EPB41L2: variants seen among roughly 807,000 people sequenced by gnomAD.
EPB41L2 encodes band 4.1-like protein 2.
EPB41L2 carries 43 observed loss-of-function variants against 113.0 expected under a neutral mutation model. That is an observed-to-expected ratio of 0.38 (90% CI 0.30 to 0.49). EPB41L2 has a LOEUF of 0.49. Among genes scored for constraint, EPB41L2 ranks in the 20% least tolerant of loss-of-function variants. EPB41L2 has a pLI of 0.95. For missense variants in EPB41L2, 1,147 were observed against 1,223.4 expected, an observed-to-expected ratio of 0.94 and a Z score of 0.93; for synonymous variants, 442 against 436.7, an observed-to-expected ratio of 1.01 and a Z score of -0.15.
chr6:130,973,728 T>C (rs1251213301), intron 1 of EPB41L2, among the ~76,000 whole-genome samples: 2 of 152,176 alleles, frequency 1.3e-5, no homozygotes, highest in African/African-American at 2.4e-5. Context: ...CTTATCTACC[T>C]GTGACCAGGA....
chr6:130,951,171 TG>T (rs1472229861), intron 3 of EPB41L2, among the ~76,000 whole-genome samples: 1 of 140,824 alleles, frequency 7.1e-6, no homozygotes, highest in Non-Finnish European at 1.5e-5. Flanking sequence ...GCAGGAAAAT[TG>T]CTTGAACCCA....
At chr6:130,971,234 G>C (rs1276062433) in intron 1 of EPB41L2, among the ~76,000 whole-genome samples, 1 of 152,134 alleles carries the variant, frequency 6.6e-6, no homozygotes, top group Non-Finnish European at 1.5e-5. Flanking sequence ...ATGCACTGTG[G>C]CCATAACTTT....
chr6:130,880,209 G>C lies in EPB41L2; in HGVS notation c.1834-3C>G, dbSNP rs1788851242. On this transcript the variant is annotated splice_region_variant and splice_polypyrimidine_tract_variant and intron_variant, in intron 12 of 19. Coordinates refer to ENST00000337057, the MANE Select transcript of EPB41L2 (RefSeq NM_001431.4). Reference sequence around the variant, plus strand: ...CCTTCTACTCTCAAGGAATTTTTCTGTGAAATTAAATCACACACAGGGGGG... The same window carrying C: ...CCTTCTACTCTCAAGGAATTTTTCTCTGAAATTAAATCACACACAGGGGGG... 1.2e-6 allele frequency: 2 copies of C among 1,604,222 alleles called. No homozygotes were observed. The highest frequency in any genetic ancestry group is 8.5e-7 in the Non-Finnish European group (1 of 1,171,680).
At chr6:130,910,166 G>T (rs374024913) in intron 4 of EPB41L2, among the ~76,000 whole-genome samples, 3 of 152,210 alleles carry the variant, frequency 2.0e-5, no homozygotes, top group Non-Finnish European at 4.4e-5. Flanking sequence ...GCATGGTACT[G>T]GTACCAAAAC....
intron 1 of EPB41L2, among the ~76,000 whole-genome samples, chr6:130,972,211 C>A (rs1008138087): frequency 3.3e-5 from 5 of 151,284 alleles, no homozygotes; most frequent in Non-Finnish European, 5.9e-5. Flanking sequence ...GTGGTCCCAG[C>A]TACTCAGGAG....
chr6:130,866,199 G>A (rs1783695833), intron 16 of EPB41L2, among the ~76,000 whole-genome samples: 1 of 152,108 alleles, frequency 6.6e-6, no homozygotes, highest in South Asian at 2.1e-4. Context: ...TTTCAATACT[G>A]CACATACGCA....
At position 131,058,889 on chromosome 6, in the gene EPB41L2, G is replaced by A. The variant is rs555297727; in HGVS notation, c.-15+4266C>T. ...AAATTAGCCGGGCATGGTGGCACAC[G>A]CCTGTAATTCCAGCTACTTGGAAGG... is the stretch of plus-strand genomic sequence containing the variant. On this transcript the variant is annotated intron_variant, in intron 1 of 19. Coordinates refer to ENST00000337057, the MANE Select transcript of EPB41L2 (RefSeq NM_001431.4). 3.3e-4 allele frequency among the ~76,000 whole-genome samples: 50 copies of A among 152,206 alleles called. No homozygotes were observed. The South Asian group carries it at 4.8e-3, about 15-fold the overall frequency.
chr6:130,892,723 C>G (rs1452255531), intron 10 of EPB41L2, among the ~76,000 whole-genome samples: 1 of 152,042 alleles, frequency 6.6e-6, no homozygotes, highest in Admixed American at 6.6e-5. Flanking sequence ...TTAAAAATAG[C>G]AAACTGTGAT....
At chr6:130,877,824 C>T (rs1163373592) in intron 14 of EPB41L2, among the ~76,000 whole-genome samples, 1 of 111,808 alleles carries the variant, frequency 8.9e-6, no homozygotes, top group Non-Finnish European at 1.8e-5. Context: ...TCTAAATTGT[C>T]CTATATAACA....
At chr6:131,018,789 T>G (rs1395387200) in intron 1 of EPB41L2, among the ~76,000 whole-genome samples, 1 of 152,168 alleles carries the variant, frequency 6.6e-6, no homozygotes, top group African/African-American at 2.4e-5. Flanking sequence ...TATTTAATAG[T>G]TTACCTTTCC....
chr6:130,927,622 G>A (rs1805216291), intron 3 of EPB41L2, among the ~76,000 whole-genome samples: 2 of 152,242 alleles, frequency 1.3e-5, no homozygotes, highest in South Asian at 2.1e-4. Context: ...ATCAAAATGT[G>A]TACTAGCTCA....
intron 1 of EPB41L2, among the ~76,000 whole-genome samples, chr6:130,958,854 G>T (rs896255199): frequency 1.3e-5 from 2 of 152,184 alleles, no homozygotes; most frequent in African/African-American, 4.8e-5. Flanking sequence ...GCAATGAGAA[G>T]TTACATAAGT....
chr6:130,858,627 AT>A (rs1357362927), intron 18 of EPB41L2, among the ~76,000 whole-genome samples: 2 of 152,220 alleles, frequency 1.3e-5, no homozygotes, highest in African/African-American at 2.4e-5. Context: ...AACTAAAGTA[AT>A]GCTGTAAAGC....
chr6:130,908,184 G>C (rs980303170), intron 5 of EPB41L2, among the ~76,000 whole-genome samples: 1 of 152,186 alleles, frequency 6.6e-6, no homozygotes. Context: ...AACTGAAGCT[G>C]GTTAGAGTGG....
Position 130,899,470 on chromosome 6 carries a change from T to C in EPB41L2, c.1236+21A>G, listed in dbSNP as rs45585737. The C allele has an allele frequency of 6.9e-3, 10,959 of 1,599,504 alleles. 49 individuals carry two copies. Among genetic ancestry groups the C allele is most frequent in the South Asian group, 7.8e-3 (708 of 90,692 alleles). ...AGTCAACAGACTACTATGATGCTAC[T>C]CCCCGTTACATTTACAGTACCTTGG... is the stretch of plus-strand genomic sequence containing the variant. On this transcript the variant is annotated intron_variant, in intron 8 of 19. Transcript: ENST00000337057.
At chr6:130,921,641 T>C (rs1421099997) in intron 4 of EPB41L2, among the ~76,000 whole-genome samples, 2 of 152,186 alleles carry the variant, frequency 1.3e-5, no homozygotes, top group South Asian at 2.1e-4. Flanking sequence ...TAATTCTCAA[T>C]AGCTATAATA....
chr6:130,940,113 T>C (rs1281624183), intron 3 of EPB41L2, among the ~76,000 whole-genome samples: 1 of 152,188 alleles, frequency 6.6e-6, no homozygotes, highest in Non-Finnish European at 1.5e-5. Flanking sequence ...TTCTTTCCCA[T>C]GGGTGGGAAT....
At chr6:130,853,308 C>A (rs2128413864) in intron 19 of EPB41L2, among the ~76,000 whole-genome samples, 1 of 152,308 alleles carries the variant, frequency 6.6e-6, no homozygotes, top group South Asian at 2.1e-4. Context: ...CCTGTGAAGT[C>A]TGGGTTGGGA....
chr6:130,863,310 A>C (rs1426999715), intron 18 of EPB41L2, among the ~76,000 whole-genome samples: 2 of 152,216 alleles, frequency 1.3e-5, no homozygotes, highest in African/African-American at 4.8e-5. Flanking sequence ...AAACTGGTGC[A>C]TTGAACTGCC....
Sources: gnomAD v4.1 joint callset for allele counts (sites outside exome capture counted in the v4.1 genomes callset) on GRCh38, gnomAD v4.1.1 for gene constraint, MANE v1.5 for transcripts, NCBI Gene and HGNC (gene_info 2026-07-23, HGNC 2026-07-21) for gene names.